The following RORA variants were observed in gnomAD, a reference collection of about 807,000 sequenced individuals.
RORA encodes the protein RAR related orphan receptor A, also known as nuclear receptor ROR-alpha.
RORA carries 7 observed loss-of-function variants against 69.5 expected under a neutral mutation model. That is an observed-to-expected ratio of 0.10 (90% CI 0.06 to 0.19). The LOEUF (loss-of-function observed/expected upper bound fraction) is 0.19. Among genes scored for constraint, RORA ranks in the 10% least tolerant of loss-of-function variants. RORA has a pLI of 1.00. For synonymous variants in RORA, 261 were observed against 240.8 expected (o/e 1.08, Z -0.78); for missense variants, 457 against 663.0 (o/e 0.69, Z 3.41).
intron 1 of RORA, among the ~76,000 whole-genome samples, chr15:60,949,394 C>T (rs1864029468): frequency 6.6e-6 from 1 of 152,200 alleles, no homozygotes; most frequent in Non-Finnish European, 1.5e-5. Context: ...GAAAAAAACT[C>T]AGCACGTAAA....
At chr15:60,595,699 A>G in intron 2 of RORA, among the ~76,000 whole-genome samples, 1 of 144,348 alleles carries the variant, frequency 6.9e-6, no homozygotes, top group South Asian at 2.2e-4. Context: ...AAAAAAAAAA[A>G]GTAAAGTAAT....
In RORA at chr15:61,229,043, A is replaced by G; in HGVS notation, c.166+10T>C. The stretch of plus-strand genomic sequence containing the variant: ...GCCGCCCCCTCCCCAGCCCCTCTCC[A>G]GCCTCCTACCTCTGCTGGTGCTGGA... On this transcript the variant is annotated intron_variant, in intron 1 of 10. Transcript: ENST00000335670. 1 of 1,493,088 alleles carries G rather than the reference A, an allele frequency of 6.7e-7. No homozygotes were observed. The highest frequency in any genetic ancestry group is 2.4e-4 in the Middle Eastern group (1 of 4,166). The allele number at this position is 1,493,088 out of a possible 1,614,324, so 92.5% of individuals were successfully genotyped here.
At chr15:60,635,615 T>G (rs2069820618) in intron 2 of RORA, among the ~76,000 whole-genome samples, 2 of 152,124 alleles carry the variant, frequency 1.3e-5, no homozygotes, top group South Asian at 4.1e-4. Context: ...CTCCAAGATG[T>G]AAAGGGAAAG....
intron 1 of RORA, among the ~76,000 whole-genome samples, chr15:60,782,381 A>T (rs955864704): frequency 2.2e-4 from 33 of 152,360 alleles, no homozygotes; most frequent in African/African-American, 7.2e-4. Context: ...AAAGTACACA[A>T]CTGGAAAGAT....
intron 1 of RORA, among the ~76,000 whole-genome samples, chr15:61,105,768 T>G (rs1195203807): frequency 6.6e-6 from 1 of 152,242 alleles, no homozygotes; most frequent in Non-Finnish European, 1.5e-5. Context: ...TTACATGCTC[T>G]GAGCTTCTCT....
intron 1 of RORA, among the ~76,000 whole-genome samples, chr15:61,184,108 T>C (rs751515129): frequency 2.0e-5 from 3 of 152,212 alleles, no homozygotes; most frequent in African/African-American, 7.2e-5. Flanking sequence ...GAGAATGTAC[T>C]TGCTTCCCAC....
chr15:61,058,046 G>A (rs979048842), intron 1 of RORA, among the ~76,000 whole-genome samples: 4 of 152,098 alleles, frequency 2.6e-5, no homozygotes, highest in Admixed American at 6.5e-5. Context: ...CTCAGTCCTC[G>A]CCCCTTACAG....
intron 1 of RORA, among the ~76,000 whole-genome samples, chr15:60,901,388 T>A (rs1235576271): frequency 6.6e-6 from 1 of 152,162 alleles, no homozygotes; most frequent in African/African-American, 2.4e-5. Flanking sequence ...GCCAGGCCAG[T>A]CTCGAACTCC....
intron 1 of RORA, among the ~76,000 whole-genome samples, chr15:61,158,266 A>T (rs1325716884): frequency 6.6e-6 from 1 of 152,186 alleles, no homozygotes; most frequent in Non-Finnish European, 1.5e-5. Flanking sequence ...ATATGTGCTG[A>T]TCTGACTTGG....
intron 2 of RORA, among the ~76,000 whole-genome samples, chr15:60,604,159 G>A (rs1367624860): frequency 3.3e-4 from 45 of 138,100 alleles, no homozygotes; most frequent in Non-Finnish European, 5.9e-4. Context: ...AAAAAAGCAC[G>A]AACATTAGAA....
intron 1 of RORA, among the ~76,000 whole-genome samples, chr15:60,937,419 A>G (rs1017375252): frequency 1.3e-5 from 2 of 152,160 alleles, no homozygotes; most frequent in Non-Finnish European, 2.9e-5. Context: ...AGGTCTTCCA[A>G]CCTTGGGAAA....
At chr15:61,186,610 C>T (rs2079744165) in intron 1 of RORA, among the ~76,000 whole-genome samples, 1 of 141,358 alleles carries the variant, frequency 7.1e-6, no homozygotes, top group Admixed American at 7.4e-5. Flanking sequence ...CACTGCACTC[C>T]AGCCTGGGCA....
chr15:60,823,253 A>G (rs2072917888), intron 1 of RORA, among the ~76,000 whole-genome samples: 1 of 151,796 alleles, frequency 6.6e-6, no homozygotes, highest in Non-Finnish European at 1.5e-5. Flanking sequence ...GCAATGGTGC[A>G]GTCATAGCTC....
At chr15:60,828,237 T>A (rs748109387) in intron 1 of RORA, among the ~76,000 whole-genome samples, 7 of 152,108 alleles carry the variant, frequency 4.6e-5, no homozygotes, top group Non-Finnish European at 8.8e-5. Flanking sequence ...GCAGCACCCT[T>A]CCCTATCCTT....
chr15:60,876,203 T>C (rs1379677978), intron 1 of RORA, among the ~76,000 whole-genome samples: 1 of 151,424 alleles, frequency 6.6e-6, no homozygotes, highest in Non-Finnish European at 1.5e-5. Flanking sequence ...ATGTGACAGC[T>C]AGAGTACAGA....
At chr15:61,208,064 G>A (rs78651343) in intron 1 of RORA, among the ~76,000 whole-genome samples, 19,628 of 152,214 alleles carry the variant, frequency 0.13, 1,325 homozygotes, top group South Asian at 0.23. Flanking sequence ...TAAAGACCTC[G>A]CATTTCTCTA....
At chr15:60,510,873 AT>A (rs113383793) in intron 5 of RORA, among the ~76,000 whole-genome samples, 46 of 147,802 alleles carry the variant, frequency 3.1e-4, no homozygotes, top group Non-Finnish European at 2.7e-4. Context: ...GTGGACTGCC[AT>A]TTTTTTTTTT....
chr15:60,558,270 C>T (rs202152730), intron 2 of RORA: 2 of 1,612,592 alleles, frequency 1.2e-6, no homozygotes, highest in Non-Finnish European at 1.7e-6. Context: ...ACAGGATACA[C>T]TGATGGAGTA....
intron 1 of RORA, among the ~76,000 whole-genome samples, chr15:60,696,386 A>ACATTACAGAAAAAAAAAAGG (rs2070906054): frequency 6.6e-6 from 1 of 152,086 alleles, no homozygotes; most frequent in Non-Finnish European, 1.5e-5. Flanking sequence ...AAAAAAAAAG[A>ACATTACAGAAAAAAAAAAGG]CATTCCAGAA....
Sources: gnomAD v4.1 joint callset for allele counts (sites outside exome capture counted in the v4.1 genomes callset) on GRCh38, gnomAD v4.1.1 for gene constraint, MANE v1.5 for transcripts, NCBI Gene and HGNC (gene_info 2026-07-23, HGNC 2026-07-21) for gene names.